SHISA9: variants seen among roughly 807,000 people sequenced by gnomAD.
SHISA9 encodes the protein shisa family member 9, also known as protein shisa-9.
SHISA9 carries 13 observed loss-of-function variants against 38.0 expected under a neutral mutation model. The ratio of observed to expected loss-of-function variants is 0.34; its 90% confidence interval spans 0.22 to 0.54. SHISA9 has a LOEUF of 0.54. Among genes scored for constraint, SHISA9 ranks in the 20% least tolerant of loss-of-function variants. The probability of loss-of-function intolerance (pLI) is 0.91; values close to 1 mark genes in which losing one functional copy is unlikely to be tolerated. For synonymous variants in SHISA9, 275 were observed against 242.0 expected (o/e 1.14, Z -1.27); for missense variants, 538 against 575.8 (o/e 0.93, Z 0.67).
chr16:13,391,747 G>A, the SHISA9 span, among the ~76,000 whole-genome samples: 5 of 152,144 alleles, frequency 3.3e-5, no homozygotes, highest in African/African-American at 9.7e-5. Flanking sequence ...CTCTGATCTT[G>A]GATAACCCTG....
the SHISA9 span, among the ~76,000 whole-genome samples, chr16:13,371,129 G>A: frequency 6.6e-6 from 1 of 152,110 alleles, no homozygotes; most frequent in East Asian, 1.9e-4. Flanking sequence ...AAATACAGAG[G>A]AGAAAATGGA....
the SHISA9 span, among the ~76,000 whole-genome samples, chr16:13,536,121 C>A: frequency 6.6e-6 from 1 of 152,078 alleles, no homozygotes; most frequent in Non-Finnish European, 1.5e-5. Context: ...GCCTCAGCCT[C>A]CCAAGTAGCT....
chr16:12,936,082 T>C (rs1032457997), intron 2 of SHISA9, among the ~76,000 whole-genome samples: 4 of 151,798 alleles, frequency 2.6e-5, no homozygotes, highest in African/African-American at 9.7e-5. Context: ...TAGAACGGAG[T>C]CTCTGGGAGT....
intron 2 of SHISA9, among the ~76,000 whole-genome samples, chr16:13,038,537 G>A (rs183541351): frequency 8.5e-5 from 13 of 152,202 alleles, no homozygotes; most frequent in African/African-American, 3.1e-4. Context: ...CAGGACTTTT[G>A]CACGTACTGC....
At chr16:13,296,891 C>CAAAAAAAAAA in the SHISA9 span, among the ~76,000 whole-genome samples, 1 of 26,588 alleles carries the variant, frequency 3.8e-5, no homozygotes. Flanking sequence ...AACTCCATCT[C>CAAAAAAAAAA]AAAAAAAAAA....
the SHISA9 span, among the ~76,000 whole-genome samples, chr16:13,376,924 G>A: frequency 1.2e-4 from 19 of 152,198 alleles, no homozygotes; most frequent in East Asian, 3.9e-4. Flanking sequence ...TGATCCACCC[G>A]CCTTGGCATC....
intron 2 of SHISA9, among the ~76,000 whole-genome samples, chr16:13,135,448 C>T (rs2050340564): frequency 6.6e-6 from 1 of 152,194 alleles, no homozygotes; most frequent in African/African-American, 2.4e-5. Context: ...AACATCCAAT[C>T]ACTGAATGCG....
intron 2 of SHISA9, among the ~76,000 whole-genome samples, chr16:13,165,249 T>C (rs1454391003): frequency 6.6e-6 from 1 of 152,226 alleles, no homozygotes; most frequent in African/African-American, 2.4e-5. Context: ...ATTCCACAGT[T>C]CAGTCATGCT....
chr16:13,055,711 C>G (rs2073302648), intron 2 of SHISA9, among the ~76,000 whole-genome samples: 1 of 152,178 alleles, frequency 6.6e-6, no homozygotes, highest in Non-Finnish European at 1.5e-5. Flanking sequence ...GGCTGTGTGC[C>G]ACCCAGGGAA....
At chr16:13,143,127 C>A (rs2050416853) in intron 2 of SHISA9, among the ~76,000 whole-genome samples, 1 of 151,982 alleles carries the variant, frequency 6.6e-6, no homozygotes, top group Admixed American at 6.6e-5. Context: ...CTGCCTCAGG[C>A]TCCCGAGTAG....
chr16:13,310,221 A>G, the SHISA9 span, among the ~76,000 whole-genome samples: 7 of 152,272 alleles, frequency 4.6e-5, no homozygotes, highest in African/African-American at 1.7e-4. Flanking sequence ...TCAAGAGAAA[A>G]CAAATTTTAA....
the SHISA9 span, among the ~76,000 whole-genome samples, chr16:13,360,120 A>G: frequency 1.3e-5 from 2 of 152,204 alleles, no homozygotes; most frequent in Non-Finnish European, 2.9e-5. Flanking sequence ...GTTCCTCTCT[A>G]TCTCAGGATG....
At chr16:13,146,094 G>A (rs1480659187) in intron 2 of SHISA9, among the ~76,000 whole-genome samples, 1 of 152,158 alleles carries the variant, frequency 6.6e-6, no homozygotes, top group Non-Finnish European at 1.5e-5. Context: ...AGGCTGAGGT[G>A]GGAGAATTTC....
At chr16:13,198,539 T>C (rs1308863389) in intron 2 of SHISA9, among the ~76,000 whole-genome samples, 1 of 152,228 alleles carries the variant, frequency 6.6e-6, no homozygotes, top group Non-Finnish European at 1.5e-5. Flanking sequence ...CCTATTGTTC[T>C]AGTTTTCTTG....
the SHISA9 span, among the ~76,000 whole-genome samples, chr16:13,343,336 C>T: frequency 6.6e-6 from 1 of 152,176 alleles, no homozygotes; most frequent in Non-Finnish European, 1.5e-5. Flanking sequence ...CTCAATCTTA[C>T]ATACCTTTTC....
the SHISA9 span, among the ~76,000 whole-genome samples, chr16:13,446,083 C>T: frequency 1.3e-5 from 2 of 152,070 alleles, no homozygotes; most frequent in Non-Finnish European, 2.9e-5. Context: ...GCTGGGACTA[C>T]AGGTGCCCGC....
At chr16:13,112,615 A>G (rs149508916) in intron 2 of SHISA9, among the ~76,000 whole-genome samples, 274 of 151,490 alleles carry the variant, frequency 1.8e-3, no homozygotes, top group African/African-American at 5.9e-3. Context: ...ATTGAGAAGC[A>G]TGAGTTCGTG....
chr16:13,436,746 T>C, the SHISA9 span, among the ~76,000 whole-genome samples: 2 of 151,634 alleles, frequency 1.3e-5, no homozygotes, highest in African/African-American at 4.9e-5. Context: ...CCTGTTACTA[T>C]AGTGACACAC....
At chr16:13,312,408 C>A in the SHISA9 span, among the ~76,000 whole-genome samples, 7 of 152,154 alleles carry the variant, frequency 4.6e-5, no homozygotes, top group African/African-American at 7.2e-5. Flanking sequence ...TCCTGTCCCC[C>A]CCTCAGTCAT....
Sources: allele counts gnomAD v4.1 joint callset (sites outside exome capture counted in the v4.1 genomes callset), GRCh38; gene constraint gnomAD v4.1.1; transcripts MANE v1.5; gene names NCBI Gene and HGNC (gene_info 2026-07-23, HGNC 2026-07-21).